MALRD1: variants seen among roughly 807,000 people sequenced by gnomAD.
The protein encoded by MALRD1 is MAM and LDL-receptor class A domain-containing protein 1.
A neutral mutation model predicts 242.1 loss-of-function variants in MALRD1; 247 were observed. The ratio of observed to expected loss-of-function variants is 1.02; its 90% CI spans 0.92 to 1.13. The LOEUF is 1.13. Among genes scored for constraint, MALRD1 ranks in the 50% most tolerant of loss-of-function variants. The pLI, the probability that MALRD1 is intolerant of heterozygous loss-of-function variation, is 0.00. For synonymous variants in MALRD1, 995 were observed against 866.6 expected (o/e 1.15, Z -2.60); for missense variants, 2,989 against 2,533.1 (o/e 1.18, Z -3.86).
intron 18 of MALRD1, among the ~76,000 whole-genome samples, chr10:19,240,402 C>A (rs996121223): frequency 6.6e-6 from 1 of 151,916 alleles, no homozygotes; most frequent in Non-Finnish European, 1.5e-5. Context: ...AGGGTTCTCA[C>A]TCTATATAAG....
At chr10:19,668,661 T>A (rs751519334) in intron 36 of MALRD1, among the ~76,000 whole-genome samples, 2 of 152,120 alleles carry the variant, frequency 1.3e-5, no homozygotes, top group Non-Finnish European at 2.9e-5. Flanking sequence ...ACCTGGAGTC[T>A]GTGAAAAAGT....
intron 38 of MALRD1, among the ~76,000 whole-genome samples, chr10:19,701,785 C>G (rs1833643973): frequency 6.9e-6 from 1 of 145,944 alleles, no homozygotes; most frequent in South Asian, 2.3e-4. Context: ...CTCCCTCCCC[C>G]TTTTCCTCCT....
At chr10:19,196,469 G>A (rs1398378238) in intron 14 of MALRD1, among the ~76,000 whole-genome samples, 1 of 151,352 alleles carries the variant, frequency 6.6e-6, no homozygotes, top group African/African-American at 2.4e-5. Context: ...TGACACAGAT[G>A]GTATCACCCT....
At chr10:19,238,512 T>C (rs1445962211) in intron 18 of MALRD1, among the ~76,000 whole-genome samples, 2 of 50,276 alleles carry the variant, frequency 4.0e-5, no homozygotes, top group Non-Finnish European at 6.7e-5. Context: ...TAATATATAA[T>C]GTATATTATA....
intron 32 of MALRD1, among the ~76,000 whole-genome samples, chr10:19,544,606 A>G (rs1301538297): frequency 1.3e-5 from 2 of 151,066 alleles, no homozygotes; most frequent in Admixed American, 1.3e-4. Context: ...TTTATTGTCT[A>G]TTAAAGTATT....
intron 21 of MALRD1, among the ~76,000 whole-genome samples, chr10:19,292,941 A>C (rs897617456): frequency 1.3e-5 from 2 of 151,684 alleles, no homozygotes; most frequent in African/African-American, 4.8e-5. Context: ...TGTGACACTA[A>C]CTCTGTGTAT....
chr10:19,253,009 A>T (rs1011666450), intron 18 of MALRD1, among the ~76,000 whole-genome samples: 2 of 152,026 alleles, frequency 1.3e-5, no homozygotes, highest in Non-Finnish European at 2.9e-5. Context: ...ATTGTAGGTT[A>T]TGTGGTTAAA....
intron 29 of MALRD1, among the ~76,000 whole-genome samples, chr10:19,473,210 GA>G (rs1439420311): frequency 2.7e-5 from 4 of 146,694 alleles, no homozygotes; most frequent in Non-Finnish European, 6.0e-5. Flanking sequence ...AAATTTTGAG[GA>G]TAAAGTGAGG....
intron 36 of MALRD1, among the ~76,000 whole-genome samples, chr10:19,631,763 A>G (rs868822977): frequency 3.0e-4 from 46 of 152,240 alleles, no homozygotes; most frequent in South Asian, 2.1e-4. Context: ...TTTTCTTCAT[A>G]TGCATGTTGC....
intron 14 of MALRD1, among the ~76,000 whole-genome samples, chr10:19,191,827 A>G (rs943622529): frequency 2.6e-5 from 4 of 152,004 alleles, no homozygotes; most frequent in Non-Finnish European, 4.4e-5. Flanking sequence ...GTGAAATCCC[A>G]TCTCTACTAA....
At chr10:19,299,055 G>A (rs1297866494) in intron 21 of MALRD1, among the ~76,000 whole-genome samples, 2 of 151,708 alleles carry the variant, frequency 1.3e-5, no homozygotes, top group South Asian at 2.1e-4. Flanking sequence ...CAAAAGAGAT[G>A]TCTACAACCG....
chr10:19,571,248 A>G (rs1415346044), intron 33 of MALRD1, among the ~76,000 whole-genome samples: 1 of 152,156 alleles, frequency 6.6e-6, no homozygotes, highest in Non-Finnish European at 1.5e-5. Context: ...GTTCTGGAGC[A>G]AATGTTTATC....
chr10:19,522,283 T>C (rs985415781), intron 31 of MALRD1, among the ~76,000 whole-genome samples: 3 of 152,180 alleles, frequency 2.0e-5, no homozygotes, highest in Non-Finnish European at 4.4e-5. Flanking sequence ...TACTTCATTG[T>C]ACCATTGTTT....
At chr10:19,696,219 T>C (rs567030192) in intron 38 of MALRD1, among the ~76,000 whole-genome samples, 1 of 152,320 alleles carries the variant, frequency 6.6e-6, no homozygotes, top group Non-Finnish European at 1.5e-5. Context: ...GGGTCCTGGA[T>C]CTTTTCAACC....
intron 18 of MALRD1, among the ~76,000 whole-genome samples, chr10:19,247,213 C>T (rs141401287): frequency 6.6e-6 from 1 of 151,910 alleles, no homozygotes; most frequent in African/African-American, 2.4e-5. Flanking sequence ...TGTACTACTG[C>T]CACATCTTCA....
intron 38 of MALRD1, among the ~76,000 whole-genome samples, chr10:19,700,928 G>A (rs979598655): frequency 6.6e-6 from 1 of 152,118 alleles, no homozygotes; most frequent in African/African-American, 2.4e-5. Flanking sequence ...GGAGGCCAAG[G>A]TGAGGGATCT....
intron 1 of MALRD1, among the ~76,000 whole-genome samples, chr10:19,056,756 T>C (rs1489444875): frequency 6.6e-6 from 1 of 152,202 alleles, no homozygotes; most frequent in Non-Finnish European, 1.5e-5. Flanking sequence ...ATTTTTGTTT[T>C]GTCCCTGATC....
At chr10:19,658,273 C>T (rs1041024189) in intron 36 of MALRD1, among the ~76,000 whole-genome samples, 1 of 152,104 alleles carries the variant, frequency 6.6e-6, no homozygotes, top group African/African-American at 2.4e-5. Context: ...GCTTTTGAGA[C>T]CTCTTTAAAC....
chr10:19,358,719 G>T (rs1465683827), intron 26 of MALRD1, among the ~76,000 whole-genome samples: 1 of 152,162 alleles, frequency 6.6e-6, no homozygotes, highest in Non-Finnish European at 1.5e-5. Context: ...TTGGAACAAT[G>T]TATGGAATAC....
Sources: allele counts gnomAD v4.1 joint callset (sites outside exome capture counted in the v4.1 genomes callset), GRCh38; gene constraint gnomAD v4.1.1; transcripts MANE v1.5; gene names NCBI Gene and HGNC (gene_info 2026-07-23, HGNC 2026-07-21).